Variants in ZC2HC1A observed in about 807,000 individuals in gnomAD.
The protein encoded by ZC2HC1A is zinc finger C2HC domain-containing protein 1A.
ZC2HC1A carries 28 observed loss-of-function variants against 40.7 expected under a neutral mutation model. The ratio of observed to expected loss-of-function variants is 0.69; its 90% CI spans 0.51 to 0.94. ZC2HC1A has a LOEUF of 0.94. ZC2HC1A is among the 40% of genes least tolerant of loss of function. The probability of loss-of-function intolerance (pLI) is 0.00; values close to 1 mark genes in which losing one functional copy is unlikely to be tolerated. For synonymous variants in ZC2HC1A, 129 were observed against 129.2 expected (o/e 1.00, Z 0.01); for missense variants, 389 against 386.3 (o/e 1.01, Z -0.06).
At chr8:78,696,630 A>G (rs112903878) in intron 5 of ZC2HC1A, among the ~76,000 whole-genome samples, 129 of 152,314 alleles carry the variant, frequency 8.5e-4, no homozygotes, top group Middle Eastern at 6.8e-3. Flanking sequence ...GAGAAATATA[A>G]AAATCCAAGA....
At chr8:78,694,846 A>G (rs2130529634) in intron 5 of ZC2HC1A, among the ~76,000 whole-genome samples, 1 of 152,354 alleles carries the variant, frequency 6.6e-6, no homozygotes, top group South Asian at 2.1e-4. Context: ...GAATGAAAGA[A>G]ATACGTTGAA....
intron 7 of ZC2HC1A, among the ~76,000 whole-genome samples, chr8:78,704,387 C>CA (rs1307275741): frequency 0.12 from 7,898 of 64,796 alleles, 825 homozygotes; most frequent in African/African-American, 0.34. Context: ...GACTCCATCT[C>CA]AAAAAAAAAA....
chr8:78,695,269 A>G (rs1217131474), intron 5 of ZC2HC1A, among the ~76,000 whole-genome samples: 1 of 152,222 alleles, frequency 6.6e-6, no homozygotes, highest in African/African-American at 2.4e-5. Flanking sequence ...GAAGTCTTAT[A>G]TAGAGAGGGA....
rs577628641 is a variant in ZC2HC1A at position 78,684,470 on chromosome 8, C to T, written c.211-1997C>T. On this transcript the variant is annotated intron_variant, in intron 3 of 8. Transcript: ENST00000263849. ...CCCCCGTGATTCAATTACCTCCTACCGAGTACCCCCATAACAGGTGGAGTT... is the reference window on the plus strand; with the variant it reads ...CCCCCGTGATTCAATTACCTCCTACTGAGTACCCCCATAACAGGTGGAGTT... Among the ~76,000 whole-genome samples, 7 of 152,254 alleles carry T rather than the reference C, an allele frequency of 4.6e-5. No individual in the cohort carries two copies. In the South Asian group the frequency reaches 6.2e-4, roughly 14 times the overall value.
chr8:78,716,370 A>T (rs2953476), intron 8 of ZC2HC1A, among the ~76,000 whole-genome samples: 1 of 151,670 alleles, frequency 6.6e-6, no homozygotes, highest in South Asian at 2.1e-4. Context: ...TGATCCACCC[A>T]CCTTGGCCTC....
chr8:78,678,158 A>G (rs1159960415), intron 2 of ZC2HC1A, among the ~76,000 whole-genome samples: 2 of 152,096 alleles, frequency 1.3e-5, no homozygotes, highest in Admixed American at 6.6e-5. Context: ...CTGATCTCCT[A>G]TCTTATTCTG....
rs190426138 is a variant in ZC2HC1A, at chr8:78,700,457, T to C, written c.704+1944T>C. 3.0e-3 allele frequency among the ~76,000 whole-genome samples: 459 copies of C among 152,252 alleles called. 1 individual carries two copies. The highest frequency in any genetic ancestry group is 5.3e-3 in the Non-Finnish European group (361 of 68,012). On this transcript the variant is annotated intron_variant, in intron 7 of 8. Transcript: ENST00000263849. ...ATATTTGCTCCCATTCTGTAGGTTG[T>C]CTGTTTACTCTGTTGATAGTTTCTT...
intron 1 of ZC2HC1A, among the ~76,000 whole-genome samples, chr8:78,673,544 T>G (rs1263738731): frequency 6.6e-6 from 1 of 152,182 alleles, no homozygotes; most frequent in African/African-American, 2.4e-5. Context: ...AGTGTAAAAG[T>G]GTTCCTATTT....
intron 7 of ZC2HC1A, among the ~76,000 whole-genome samples, chr8:78,703,534 TTC>T (rs1810674226): frequency 2.4e-5 from 2 of 81,826 alleles, no homozygotes; most frequent in South Asian, 4.8e-4. Context: ...TGTAATACCC[TTC>T]TTTTTTTTTT....
chr8:78,716,509 A>G (rs188978424), intron 8 of ZC2HC1A, among the ~76,000 whole-genome samples: 198 of 152,260 alleles, frequency 1.3e-3, no homozygotes, highest in Middle Eastern at 3.4e-3. Context: ...ATAATTTAAT[A>G]TCATTAAATA....
At chr8:78,700,760 A>G (rs1810577252) in intron 7 of ZC2HC1A, among the ~76,000 whole-genome samples, 1 of 152,182 alleles carries the variant, frequency 6.6e-6, no homozygotes, top group African/African-American at 2.4e-5. Context: ...TTAAATAGGG[A>G]ATCCTTTTTC....
chr8:78,689,478 G>A, intron 5 of ZC2HC1A, 105 bp downstream of exon 5: 1 of 1,045,172 alleles, frequency 9.6e-7, no homozygotes, highest in Non-Finnish European at 1.3e-6. Flanking sequence ...TTTCTCACCT[G>A]CTTTTATAGA....
chr8:78,695,554 G>C (rs1177912077), intron 5 of ZC2HC1A, among the ~76,000 whole-genome samples: 1 of 151,982 alleles, frequency 6.6e-6, no homozygotes, highest in Non-Finnish European at 1.5e-5. Context: ...TATTAACTCT[G>C]TTTTTATAGA....
At chr8:78,676,014 G>T (rs1809567675) in intron 2 of ZC2HC1A, 151 bp downstream of exon 2, 2 of 502,664 alleles carry the variant, frequency 4.0e-6, no homozygotes, top group Admixed American at 7.5e-5. Flanking sequence ...TTTCAGCTAT[G>T]CCATTCTTCC....
In ZC2HC1A at chr8:78,686,562, A is replaced by G; in HGVS notation, c.306A>G (p.Lys102=). The G allele has an allele frequency of 6.5e-7, 1 of 1,536,782 alleles. No individual in the cohort carries two copies. Among genetic ancestry groups the G allele is most frequent in the Non-Finnish European group, 8.8e-7 (1 of 1,140,842 alleles). ...RAAKGLDQAL[K]EGGKLPPPPP... ...CTAAAGGCCTTGATCAGGCCCTCAA[A>G]GAGGGTGGCAAACTTCCTCCTCCTC... The change falls in exon 4 of 9, where the codon AAA becomes AAG. Residue 102 remains lysine (K), a synonymous_variant. Transcript: ENST00000263849.
In ZC2HC1A at chr8:78,688,024, G is replaced by A. The variant is rs191272799; in HGVS notation, c.353-1198G>A. ...ATAAAATGAGCATGGCTGTGTTTCC[G>A]TAAAACTTCATTTACAAAGACAGGC... On this transcript the variant is annotated intron_variant, in intron 4 of 8. Transcript: ENST00000263849. Among the ~76,000 whole-genome samples, 53 of 148,036 alleles carry A rather than the reference G, an allele frequency of 3.6e-4. 1 individual carries two copies. Among genetic ancestry groups the A allele is most frequent in the South Asian group, 1.7e-3 (8 of 4,766 alleles).
chr8:78,676,746 G>A (rs1026748362), intron 2 of ZC2HC1A, among the ~76,000 whole-genome samples: 2 of 151,718 alleles, frequency 1.3e-5, no homozygotes, highest in African/African-American at 4.8e-5. Context: ...AAAACATCTT[G>A]CCCACACATT....
chr8:78,697,435 A>G lies in ZC2HC1A; in HGVS notation c.533A>G (p.Asn178Ser). 1 of 1,604,724 alleles carries G rather than the reference A, an allele frequency of 6.2e-7. No homozygotes were observed. The highest frequency in any genetic ancestry group is 2.2e-5 in the East Asian group (1 of 44,496). ...AAGCCACCCGCACTTAAAAAGTCAAATTCTCCTGGAACTGCATCATCAGGA... is the reference window on the plus strand; with the variant it reads ...AAGCCACCCGCACTTAAAAAGTCAAGTTCTCCTGGAACTGCATCATCAGGA... The part of the protein sequence containing the change: ...VYKPPALKKS[N>S]SPGTASSGSS... Residue 178 changes from asparagine to serine, a missense_variant, in exon 6 of 9, where the codon AAT (asparagine) becomes AGT (serine). Asn to Ser is a conservative substitution (Grantham distance 46). Transcript: ENST00000263849.
At chr8:78,692,851 G>A (rs1329958474) in intron 5 of ZC2HC1A, among the ~76,000 whole-genome samples, 1 of 151,902 alleles carries the variant, frequency 6.6e-6, no homozygotes, top group Non-Finnish European at 1.5e-5. Context: ...CATTTACATG[G>A]AGTATATCTC....
Sources: gnomAD v4.1 joint callset for allele counts (sites outside exome capture counted in the v4.1 genomes callset) on GRCh38, gnomAD v4.1.1 for gene constraint, MANE v1.5 for transcripts, NCBI Gene and HGNC (gene_info 2026-07-23, HGNC 2026-07-21) for gene names.